The following PRKCH variants were observed in gnomAD, a reference collection of about 807,000 sequenced individuals.
The protein encoded by PRKCH is protein kinase C eta, also known as protein kinase C eta type.
In PRKCH, 28 loss-of-function variants were observed where a neutral mutation model predicts 82.5. That is an observed-to-expected ratio of 0.34 (90% CI 0.25 to 0.47). PRKCH has a LOEUF of 0.47. PRKCH is among the 20% of genes least tolerant of loss of function. The pLI is 1.00. For missense variants in PRKCH, 705 were observed against 881.8 expected (o/e 0.80, Z 2.54); for synonymous variants, 322 against 327.4 (o/e 0.98, Z 0.18).
At chr14:61,281,870 C>CTTTTTTTTTTTT (rs71117807) in intron 1 of PRKCH, 8 of 94,862 alleles carry the variant, frequency 8.4e-5, no homozygotes, top group African/African-American at 1.5e-4. Context: ...CAAATTTTAG[C>CTTTTTTTTTTTT]TTTTTTTTTT....
intron 1 of PRKCH, among the ~76,000 whole-genome samples, chr14:61,316,033 C>T (rs1481413893): frequency 1.3e-5 from 2 of 152,146 alleles, no homozygotes; most frequent in Non-Finnish European, 2.9e-5. Flanking sequence ...CAGGTGTGAG[C>T]CACTGCGCCC....
At chr14:61,467,999 T>C (rs1241928182) in intron 9 of PRKCH, among the ~76,000 whole-genome samples, 3 of 152,228 alleles carry the variant, frequency 2.0e-5, no homozygotes, top group Admixed American at 6.5e-5. Context: ...GACCTGACTG[T>C]CCTGCCAAAT....
In PRKCH at chr14:61,547,844, G is replaced by T. The variant is rs753770978; in HGVS notation, c.1863G>T (p.Gln621His). Reference sequence around the variant, plus strand: ...TTTTTAAGGAAATCGACTGGGCCCAGCTGAACCATCGCCAAATAGAACCGC... The same window carrying T: ...TTTTTAAGGAAATCGACTGGGCCCATCTGAACCATCGCCAAATAGAACCGC... ...HPFFKEIDWA[Q>H]LNHRQIEPPF... The change falls in exon 13 of 14, where the codon CAG (glutamine) becomes CAT (histidine). Residue 621 changes from glutamine (Q) to histidine (H), a missense_variant. Gln to His is a conservative substitution (Grantham distance 24). Around this residue, in one of 5 missense-constraint regions of PRKCH, gnomAD observed 91 missense variants for 81.2 expected, o/e 1.12. Coordinates refer to ENST00000332981, the MANE Select transcript of PRKCH (RefSeq NM_006255.5). 32 of 1,613,934 alleles carry T rather than the reference G, an allele frequency of 2.0e-5. No individual in the cohort carries two copies. The highest frequency in any genetic ancestry group is 2.7e-5 in the African/African-American group (2 of 74,924).
At chr14:61,396,594 G>A (rs569357736) in intron 2 of PRKCH, among the ~76,000 whole-genome samples, 4 of 152,312 alleles carry the variant, frequency 2.6e-5, no homozygotes, top group South Asian at 2.1e-4. Context: ...TGGCACATGG[G>A]ACTACATAAT....
chr14:61,470,426 C>T (rs1220521162), intron 9 of PRKCH, among the ~76,000 whole-genome samples: 3 of 152,100 alleles, frequency 2.0e-5, no homozygotes, highest in African/African-American at 4.8e-5. Flanking sequence ...CCGTCTCCAT[C>T]CCTGTATTAA....
chr14:61,206,996 C>T (rs1404107231), intron 1 of PRKCH, among the ~76,000 whole-genome samples: 2 of 149,616 alleles, frequency 1.3e-5, no homozygotes, highest in African/African-American at 2.5e-5. Flanking sequence ...ATCCCAGCTA[C>T]TCGGGAGGCC....
chr14:61,498,957 C>T (rs1203903533), intron 10 of PRKCH, among the ~76,000 whole-genome samples: 1 of 152,096 alleles, frequency 6.6e-6, no homozygotes, highest in Non-Finnish European at 1.5e-5. Context: ...CAAATCTACC[C>T]GGAAATGATT....
rs367958663 is a variant in PRKCH at position 61,280,049 on chromosome 14, A to G, written c.-19+92381A>G. 4.5e-5 allele frequency: 68 copies of G among 1,520,072 alleles called. No individual in the cohort carries two copies. Among genetic ancestry groups the G allele is most frequent in the Non-Finnish European group, 5.9e-5 (67 of 1,129,916 alleles). The allele number at this position is 1,520,072 out of a possible 1,614,324, so 94.2% of individuals were successfully genotyped here. ...GAGGAGATGCCAAAAGCACCTTGCAAGAGTTTTGGCAAGAAGCAGGAGGGA... is the reference window on the plus strand; with the variant it reads ...GAGGAGATGCCAAAAGCACCTTGCAGGAGTTTTGGCAAGAAGCAGGAGGGA... On this transcript the variant is annotated intron_variant, in intron 1 of 3. Transcript: ENST00000555185. The surrounding 1 kb of genome is among the most constrained non-coding windows in gnomAD (Gnocchi z 5.0).
intron 2 of PRKCH, chr14:61,442,769 T>TA (rs879930010): frequency 1.5e-4 from 23 of 157,510 alleles, no homozygotes; most frequent in East Asian, 5.4e-4. Context: ...CCATCTCTAT[T>TA]AAAAAAAAAT....
chr14:61,406,560 C>A (rs1343406925), intron 2 of PRKCH, among the ~76,000 whole-genome samples: 1 of 152,156 alleles, frequency 6.6e-6, no homozygotes, highest in African/African-American at 2.4e-5. Flanking sequence ...ATGGGAGCCA[C>A]AGTTTTTTCG....
At chr14:61,277,455 T>C (rs1293673003) in intron 1 of PRKCH, 1 of 152,178 alleles carries the variant, frequency 6.6e-6, no homozygotes, top group Non-Finnish European at 1.5e-5. Flanking sequence ...TCTATCTCAC[T>C]TCCTGAAGAT....
chr14:61,394,280 G>T (rs1435555853), intron 2 of PRKCH, among the ~76,000 whole-genome samples: 2 of 151,444 alleles, frequency 1.3e-5, no homozygotes, highest in Middle Eastern at 3.2e-3. Flanking sequence ...AAAAAAAACT[G>T]TTCAGGTTAC....
At chr14:61,487,876 G>A (rs11622805) in intron 10 of PRKCH, among the ~76,000 whole-genome samples, 103,292 of 151,068 alleles carry the variant, frequency 0.68, 38,496 homozygotes, top group Middle Eastern at 0.84. Context: ...TTAGCCAGCC[G>A]GGCGCGGTGG....
At position 61,280,140 on chromosome 14, in the gene PRKCH, C is replaced by A; in HGVS notation, c.-19+92472C>A. 1 of 1,613,946 alleles carries A rather than the reference C, an allele frequency of 6.2e-7. No homozygotes were observed. Among genetic ancestry groups the A allele is most frequent in the African/African-American group, 1.3e-5 (1 of 75,054 alleles). ...GGTCCTGGTAGCGAATGTAGACGACCAGCATGACAAAGCCGGTGAGGATGC... is the reference window on the plus strand; with the variant it reads ...GGTCCTGGTAGCGAATGTAGACGACAAGCATGACAAAGCCGGTGAGGATGC... On this transcript the variant is annotated intron_variant, in intron 1 of 3. Transcript: ENST00000555185. This position sits in a 1 kb window ranked among gnomAD's most constrained non-coding sequence, Gnocchi z 5.0.
intron 2 of PRKCH, among the ~76,000 whole-genome samples, chr14:61,409,703 C>CAAAAAAA (rs56238869): frequency 1.8e-5 from 1 of 56,112 alleles, no homozygotes; most frequent in Non-Finnish European, 3.2e-5. Context: ...GACCCTGTCT[C>CAAAAAAA]AAAAAAAAAA....
intron 10 of PRKCH, chr14:61,527,942 C>T (rs1461554070): frequency 1.3e-5 from 2 of 152,298 alleles, no homozygotes; most frequent in African/African-American, 4.8e-5. Context: ...AGCTCAATTT[C>T]TGCTTCTGCT....
chr14:61,357,292 C>G (rs1448588819), intron 1 of PRKCH, among the ~76,000 whole-genome samples: 1 of 152,234 alleles, frequency 6.6e-6, no homozygotes, highest in Non-Finnish European at 1.5e-5. Flanking sequence ...ACCCGCCTCA[C>G]TCTTTTAACA....
chr14:61,506,471 C>G (rs1887154719), intron 10 of PRKCH, among the ~76,000 whole-genome samples: 1 of 152,018 alleles, frequency 6.6e-6, no homozygotes, highest in South Asian at 2.1e-4. Flanking sequence ...AATGCTGGCC[C>G]TCCTGAACCA....
rs2044869489 is a variant in PRKCH at position 61,245,199 on chromosome 14, A to T, written c.-19+57531A>T. On this transcript the variant is annotated intron_variant, in intron 1 of 3. Transcript: ENST00000555185. Reference sequence around the variant, plus strand: ...TCAATTTGGAATTTTAAAAAAATAAACTCAAACCAGATCTGTGAGGCCTGC... The same window carrying T: ...TCAATTTGGAATTTTAAAAAAATAATCTCAAACCAGATCTGTGAGGCCTGC... Among the ~76,000 whole-genome samples, 5 of 152,280 alleles carry T rather than the reference A, an allele frequency of 3.3e-5. No individual in the cohort carries two copies. In the South Asian group the frequency reaches 1.0e-3, roughly 32 times the overall value.
Sources: gnomAD v4.1 joint callset for allele counts (sites outside exome capture counted in the v4.1 genomes callset) on GRCh38, gnomAD v4.1.1 for gene constraint, gnomAD v4.1.1 regional missense constraint, Gnocchi (gnomAD v3.1) non-coding constraint, MANE v1.5 for transcripts, NCBI Gene and HGNC (gene_info 2026-07-23, HGNC 2026-07-21) for gene names.